Variants in DPP10 observed in about 807,000 individuals in gnomAD.
DPP10 encodes inactive dipeptidyl peptidase 10.
In DPP10, 33 loss-of-function variants were observed where a neutral mutation model predicts 120.9. The ratio of observed to expected loss-of-function variants is 0.27; its 90% CI spans 0.21 to 0.37. The LOEUF is 0.37. Ranked by LOEUF, DPP10 falls within the 10% of genes least tolerant of loss-of-function variation. DPP10 has a pLI of 1.00. For synonymous variants in DPP10, 337 were observed against 326.1 expected (o/e 1.03, Z -0.36); for missense variants, 816 against 942.8 (o/e 0.87, Z 1.76).
At chr2:114,985,856 T>G (rs1282736407) in intron 1 of DPP10, among the ~76,000 whole-genome samples, 2 of 152,244 alleles carry the variant, frequency 1.3e-5, no homozygotes, top group African/African-American at 2.4e-5. Flanking sequence ...CATCTGTATT[T>G]GGTAATTTTC....
chr2:114,995,390 T>A (rs1701014637), intron 1 of DPP10, among the ~76,000 whole-genome samples: 1 of 149,178 alleles, frequency 6.7e-6, no homozygotes, highest in Non-Finnish European at 1.5e-5. Context: ...TTTGGTTGAA[T>A]TGAACCTGTT....
At chr2:115,092,881 A>C (rs1281363367) in intron 1 of DPP10, among the ~76,000 whole-genome samples, 1 of 152,190 alleles carries the variant, frequency 6.6e-6, no homozygotes, top group East Asian at 1.9e-4. Flanking sequence ...TTGATTGATG[A>C]CTTTTTAAGT....
intron 1 of DPP10, among the ~76,000 whole-genome samples, chr2:114,973,041 A>T (rs1275961393): frequency 6.6e-6 from 1 of 152,122 alleles, no homozygotes; most frequent in African/African-American, 2.4e-5. Context: ...CAGTTAATGA[A>T]TAGTAATATA....
intron 1 of DPP10, among the ~76,000 whole-genome samples, chr2:115,004,866 A>G (rs1211043723): frequency 1.3e-5 from 2 of 152,172 alleles, no homozygotes; most frequent in Non-Finnish European, 2.9e-5. Context: ...GGAGCCCACC[A>G]CAGCTCAAGG....
intron 1 of DPP10, among the ~76,000 whole-genome samples, chr2:115,020,167 T>C (rs1702969311): frequency 6.6e-6 from 1 of 152,182 alleles, no homozygotes; most frequent in South Asian, 2.1e-4. Context: ...ATCTCAATAC[T>C]AGCATTGAAT....
intron 10 of DPP10, among the ~76,000 whole-genome samples, chr2:115,749,539 C>G (rs966714416): frequency 2.0e-5 from 3 of 152,132 alleles, no homozygotes; most frequent in African/African-American, 7.2e-5. Context: ...GTATATCTAG[C>G]CTACATCTCT....
chr2:114,580,699 C>G (rs970781004), intron 1 of DPP10, among the ~76,000 whole-genome samples: 2 of 151,828 alleles, frequency 1.3e-5, no homozygotes, highest in African/African-American at 2.4e-5. Flanking sequence ...CCCTAAAGCA[C>G]CGCATTAATC....
intron 5 of DPP10, among the ~76,000 whole-genome samples, chr2:115,636,894 A>C (rs1444953322): frequency 6.6e-6 from 1 of 152,180 alleles, no homozygotes; most frequent in Non-Finnish European, 1.5e-5. Context: ...GAATCTTAAG[A>C]GATTTTAGAA....
chr2:114,840,795 A>C (rs1426050743), intron 1 of DPP10, among the ~76,000 whole-genome samples: 2 of 152,152 alleles, frequency 1.3e-5, no homozygotes, highest in African/African-American at 4.8e-5. Flanking sequence ...CACTCTATTA[A>C]ACAACTTATT....
intron 1 of DPP10, among the ~76,000 whole-genome samples, chr2:115,136,548 A>G (rs1416502411): frequency 6.6e-6 from 1 of 152,168 alleles, no homozygotes; most frequent in East Asian, 1.9e-4. Flanking sequence ...GAACCAGTGT[A>G]TTTCTATGTA....
At chr2:114,920,323 G>A (rs375486783) in intron 1 of DPP10, among the ~76,000 whole-genome samples, 1 of 152,148 alleles carries the variant, frequency 6.6e-6, no homozygotes, top group East Asian at 1.9e-4. Context: ...GAATGTATAA[G>A]GCTGATTCTC....
chr2:115,013,892 G>T (rs116432063), intron 1 of DPP10, among the ~76,000 whole-genome samples: 1 of 151,994 alleles, frequency 6.6e-6, no homozygotes, highest in Non-Finnish European at 1.5e-5. Flanking sequence ...TGTAATAATA[G>T]TGGGAGACTT....
intron 1 of DPP10, among the ~76,000 whole-genome samples, chr2:114,732,436 G>A (rs1677010004): frequency 6.6e-6 from 1 of 152,196 alleles, no homozygotes; most frequent in Non-Finnish European, 1.5e-5. Flanking sequence ...CAGACCAAAT[G>A]AGTTCACATG....
intron 1 of DPP10, among the ~76,000 whole-genome samples, chr2:115,230,629 G>C (rs961055759): frequency 6.6e-6 from 1 of 151,896 alleles, no homozygotes; most frequent in African/African-American, 2.4e-5. Flanking sequence ...CATTTCAATT[G>C]TAATAAGTAT....
chr2:115,799,421 T>G (rs1684910522), intron 19 of DPP10, among the ~76,000 whole-genome samples: 1 of 151,928 alleles, frequency 6.6e-6, no homozygotes, highest in Non-Finnish European at 1.5e-5. Context: ...TCCTATGCTT[T>G]TATTTTTTCT....
intron 2 of DPP10, among the ~76,000 whole-genome samples, chr2:115,315,831 T>C (rs1181424388): frequency 6.6e-6 from 1 of 152,176 alleles, no homozygotes; most frequent in African/African-American, 2.4e-5. Flanking sequence ...TTCTAACAGT[T>C]TCCCCCTGGA....
At chr2:115,422,307 A>G (rs530824568) in intron 3 of DPP10, among the ~76,000 whole-genome samples, 5 of 152,314 alleles carry the variant, frequency 3.3e-5, no homozygotes, top group African/African-American at 1.2e-4. Context: ...TCTCTCCAAG[A>G]ATACATTTTT....
chr2:114,481,174 C>T (rs530917167), intron 1 of DPP10, among the ~76,000 whole-genome samples: 9 of 151,880 alleles, frequency 5.9e-5, no homozygotes, highest in Non-Finnish European at 7.4e-5. Flanking sequence ...TTGCAAACTA[C>T]GTATTCAATG....
intron 1 of DPP10, among the ~76,000 whole-genome samples, chr2:115,011,277 A>C (rs1230388843): frequency 6.6e-6 from 1 of 152,160 alleles, no homozygotes; most frequent in Non-Finnish European, 1.5e-5. Context: ...GTGTTCCAGA[A>C]ATGTCAATTA....
Sources: gnomAD v4.1 joint callset for allele counts (sites outside exome capture counted in the v4.1 genomes callset) on GRCh38, gnomAD v4.1.1 for gene constraint, MANE v1.5 for transcripts, NCBI Gene and HGNC (gene_info 2026-07-23, HGNC 2026-07-21) for gene names.